Variants in KDM4B observed in about 807,000 individuals in gnomAD.
The protein encoded by KDM4B is lysine demethylase 4B, also known as lysine-specific demethylase 4B.
A neutral mutation model predicts 125.2 loss-of-function variants in KDM4B; 32 were observed. The observed-to-expected ratio is 0.26, with a 90% CI of 0.19 to 0.34. KDM4B has a LOEUF of 0.34. Ranked by LOEUF, KDM4B falls within the 10% of genes least tolerant of loss-of-function variation. The probability of loss-of-function intolerance (pLI) is 1.00; values close to 1 mark genes in which losing one functional copy is unlikely to be tolerated. For synonymous variants in KDM4B, 721 were observed against 677.9 expected (o/e 1.06, Z -0.99); for missense variants, 1,190 against 1,577.7 (o/e 0.75, Z 4.16).
At position 5,084,445 on chromosome 19, in the gene KDM4B, T is replaced by A. The variant is rs1001232875; in HGVS notation, c.918+1941T>A. 5.7e-5 allele frequency among the ~76,000 whole-genome samples: 8 copies of A among 140,376 alleles called. No individual in the cohort carries two copies. In the East Asian group the frequency reaches 1.6e-3, roughly 28 times the overall value. The allele number at this position is 140,376 out of a possible 152,430, so 92.1% of individuals were successfully genotyped here. On this transcript the variant is annotated intron_variant, in intron 9 of 22. Coordinates refer to ENST00000159111, the MANE Select transcript of KDM4B (RefSeq NM_015015.3). ...TATATATATAAATATAAATTATATA[T>A]GTTATAATAATTTATATATTATATA...
At chr19:5,010,278 T>C (rs1199667885) in intron 1 of KDM4B, among the ~76,000 whole-genome samples, 1 of 152,212 alleles carries the variant, frequency 6.6e-6, no homozygotes, top group Non-Finnish European at 1.5e-5. Context: ...TCTGGACTTT[T>C]TAGAAGCATA....
chr19:5,070,971 C>T (rs1193508383), intron 6 of KDM4B, 39 bp from the exon 7 acceptor site: 2 of 1,611,988 alleles, frequency 1.2e-6, no homozygotes. Context: ...GCGTGGCTGC[C>T]ACCGATCTTG....
At chr19:4,980,466 C>T (rs2034599564) in intron 1 of KDM4B, among the ~76,000 whole-genome samples, 1 of 147,350 alleles carries the variant, frequency 6.8e-6, no homozygotes, top group South Asian at 2.2e-4. Context: ...CTCTGCCACC[C>T]AGGCTGGAGT....
At chr19:5,020,473 C>T (rs1014212190) in intron 2 of KDM4B, among the ~76,000 whole-genome samples, 2 of 152,148 alleles carry the variant, frequency 1.3e-5, no homozygotes, top group Admixed American at 6.5e-5. Flanking sequence ...GTCTCCACGG[C>T]GGCTGCACCC....
chr19:5,028,702 C>T (rs1298911084), intron 2 of KDM4B, among the ~76,000 whole-genome samples: 19 of 152,156 alleles, frequency 1.2e-4, no homozygotes, highest in Admixed American at 6.5e-4. Flanking sequence ...AGCCTGTGTT[C>T]GAGGGCCCCA....
chr19:5,008,787 G>C (rs947197276), intron 1 of KDM4B, among the ~76,000 whole-genome samples: 1 of 149,396 alleles, frequency 6.7e-6, no homozygotes, highest in African/African-American at 2.5e-5. Context: ...ATTTTTAGTA[G>C]AGACAGGTTT....
chr19:5,127,060 C>G (rs2039461884), intron 11 of KDM4B, among the ~76,000 whole-genome samples: 1 of 152,212 alleles, frequency 6.6e-6, no homozygotes, highest in Non-Finnish European at 1.5e-5. Context: ...ACCAGGCAGG[C>G]TAGTGAGCCC....
intron 10 of KDM4B, among the ~76,000 whole-genome samples, chr19:5,118,687 A>G (rs769926271): frequency 2.3e-4 from 35 of 152,154 alleles, no homozygotes; most frequent in Non-Finnish European, 4.6e-4. Flanking sequence ...GCTCAGCTGC[A>G]GGGTCACCTG....
intron 6 of KDM4B, among the ~76,000 whole-genome samples, chr19:5,054,489 T>TGTGC (rs1491359438): frequency 1.7e-5 from 2 of 116,054 alleles, no homozygotes; most frequent in Admixed American, 1.8e-4. Flanking sequence ...TGTGTGTGTG[T>TGTGC]GCGCGCGCAT....
rs1241210169 is a variant in KDM4B at position 5,007,443 on chromosome 19, G to C, written c.-108-8814G>C. Among the ~76,000 whole-genome samples, 3 of 151,974 alleles carry C rather than the reference G, an allele frequency of 2.0e-5. No individual in the cohort carries two copies. In the East Asian group the frequency reaches 5.8e-4, roughly 29 times the overall value. The stretch of plus-strand genomic sequence containing the variant: ...TTGTTTGTCTTTTGTTGAGTTGCAA[G>C]AGTTGTTGACATATTCTGCATACAA... On this transcript the variant is annotated intron_variant, in intron 1 of 22. Coordinates refer to ENST00000159111, the MANE Select transcript of KDM4B (RefSeq NM_015015.3).
Position 5,035,880 on chromosome 19 carries a change from T to TGTGTGCGCGC in KDM4B, c.141+2850_141+2851insTGTGCGCGCG, listed in dbSNP as rs58219404. 3.2e-4 allele frequency among the ~76,000 whole-genome samples: 43 copies of TGTGTGCGCGC among 136,500 alleles called. No individual in the cohort carries two copies. Among genetic ancestry groups the TGTGTGCGCGC allele is most frequent in the Middle Eastern group, 3.8e-3 (1 of 266 alleles). 89.5% of individuals were successfully genotyped at this position (136,500 alleles called of 152,430 possible). ...ACGTGTCTCTGTGTGTGTGTGTGTG[T>TGTGTGCGCGC]GCGCGCGCGCGCGCGCCTGCGCGCA... On this transcript the variant is annotated intron_variant, in intron 3 of 22. Coordinates refer to ENST00000159111, the MANE Select transcript of KDM4B (RefSeq NM_015015.3). The surrounding 1 kb of genome is among the most constrained non-coding windows in gnomAD (Gnocchi z 5.3).
At chr19:5,116,849 G>A (rs957361708) in intron 10 of KDM4B, among the ~76,000 whole-genome samples, 5 of 152,212 alleles carry the variant, frequency 3.3e-5, no homozygotes, top group Non-Finnish European at 7.3e-5. Context: ...GGTGCAGGGA[G>A]AGAAGGGGAC....
At chr19:5,136,501 C>T (rs1028804952) in intron 15 of KDM4B, among the ~76,000 whole-genome samples, 2 of 152,154 alleles carry the variant, frequency 1.3e-5, no homozygotes, top group Non-Finnish European at 2.9e-5. Flanking sequence ...GGCTGGGAGG[C>T]TCTTCACTCT....
chr19:5,037,817 C>G (rs917255406), intron 3 of KDM4B, among the ~76,000 whole-genome samples: 3 of 152,236 alleles, frequency 2.0e-5, no homozygotes, highest in Non-Finnish European at 4.4e-5. Flanking sequence ...CAAGACCCCC[C>G]CTCAGTTGAG....
chr19:5,089,848 C>T (rs1032176096), intron 9 of KDM4B, among the ~76,000 whole-genome samples: 16 of 152,048 alleles, frequency 1.1e-4, no homozygotes, highest in East Asian at 3.8e-4. Context: ...GTTGTTGCTT[C>T]GTTGGTTTGT....
rs1425904302 is a variant in KDM4B at position 5,035,203 on chromosome 19, C to T, written c.141+2172C>T. 6.6e-6 allele frequency among the ~76,000 whole-genome samples: 1 copy of T among 152,164 alleles called. No individual in the cohort carries two copies. Among genetic ancestry groups the T allele is most frequent in the Non-Finnish European group, 1.5e-5 (1 of 68,030 alleles). On this transcript the variant is annotated intron_variant, in intron 3 of 22. Coordinates refer to ENST00000159111, the MANE Select transcript of KDM4B (RefSeq NM_015015.3). The surrounding 1 kb of genome is among the most constrained non-coding windows in gnomAD (Gnocchi z 5.3). ...CCTCCTCTTCCTCCTCTCCCTGGTG[C>T]ACATAGGGCAGGTGGGACAGGCGTC... is the stretch of plus-strand genomic sequence containing the variant.
intron 6 of KDM4B, among the ~76,000 whole-genome samples, chr19:5,060,336 G>C (rs918546902): frequency 9.9e-5 from 15 of 150,964 alleles, no homozygotes; most frequent in African/African-American, 3.7e-4. Context: ...CTACTCGGGA[G>C]GCTGAGACAG....
At chr19:5,101,614 G>A (rs1011592169) in intron 9 of KDM4B, among the ~76,000 whole-genome samples, 1 of 152,216 alleles carries the variant, frequency 6.6e-6, no homozygotes, top group Non-Finnish European at 1.5e-5. Context: ...AGGGGATAGC[G>A]GGGAGGGCCT....
At chr19:5,143,944 C>T (rs775239225) in intron 18 of KDM4B, 23 bp from the exon 19 acceptor site, 5 of 1,560,572 alleles carry the variant, frequency 3.2e-6, no homozygotes, top group East Asian at 2.3e-5. Flanking sequence ...GCCCCATGCC[C>T]CTGCCTGTGT....
Sources: allele counts gnomAD v4.1 joint callset (sites outside exome capture counted in the v4.1 genomes callset), GRCh38; gene constraint gnomAD v4.1.1; non-coding constraint Gnocchi (gnomAD v3.1); transcripts MANE v1.5; gene names NCBI Gene and HGNC (gene_info 2026-07-23, HGNC 2026-07-21).